The following DNAI7 variants were observed in gnomAD, a reference collection of about 807,000 sequenced individuals.
DNAI7 encodes the protein dynein axonemal intermediate chain 7.
In DNAI7, 78 loss-of-function variants were observed where a neutral mutation model predicts 86.6. That is an observed-to-expected ratio of 0.90 (90% CI 0.75 to 1.09). DNAI7 has a LOEUF of 1.09. Ranked by LOEUF, DNAI7 falls within the 50% of genes least tolerant of loss-of-function variation. DNAI7 has a pLI of 0.00. For synonymous variants in DNAI7, 274 were observed against 273.0 expected (o/e 1.00, Z -0.04); for missense variants, 753 against 810.2 (o/e 0.93, Z 0.86).
At chr12:25,107,784 G>T (rs758024054), downstream of DNAI7, 2 of 1,594,698 alleles carry the variant, frequency 1.3e-6, no homozygotes, top group Admixed American at 1.7e-5. Context: ...ACAAATTACC[G>T]ATTACCAAAT....
intron 3 of DNAI7, among the ~76,000 whole-genome samples, chr12:25,160,036 T>C (rs1946660604): frequency 6.6e-6 from 1 of 152,186 alleles, no homozygotes; most frequent in Non-Finnish European, 1.5e-5. Context: ...TAGTTTATAT[T>C]TCCCACATTT....
Position 25,160,621 on chromosome 12 carries a change from A to C in DNAI7, c.106+492T>G, listed in dbSNP as rs534229722. Among the ~76,000 whole-genome samples the C allele has an allele frequency of 2.2e-4, 34 of 152,320 alleles. 1 individual carries two copies. Among genetic ancestry groups the C allele is most frequent in the African/African-American group, 7.7e-4 (32 of 41,570 alleles). On this transcript the variant is annotated intron_variant, in intron 3 of 15. Coordinates refer to ENST00000395987, the MANE Select transcript of DNAI7 (RefSeq NM_018272.5). ...GGGGAATGACACAGTAGCAGGGGCC[A>C]CAGGCGCCAGGGATAAGAACCCCTT...
intron 13 of DNAI7, among the ~76,000 whole-genome samples, chr12:25,113,779 T>C (rs1785209062): frequency 6.6e-6 from 1 of 152,116 alleles, no homozygotes; most frequent in African/African-American, 2.4e-5. Flanking sequence ...CTGGTACAAC[T>C]ATCCCCATAA....
In DNAI7 at chr12:25,144,348, A is replaced by T. The variant is rs1226896557; in HGVS notation, c.1002+17T>A. 1.1e-5 allele frequency: 18 copies of T among 1,592,018 alleles called. No homozygotes were observed. The highest frequency in any genetic ancestry group is 1.5e-5 in the Non-Finnish European group (18 of 1,163,098). On this transcript the variant is annotated intron_variant, in intron 9 of 15. Transcript: ENST00000395987. ...GCTGCATGAATAAAAAAATGTGTATATTTAAATGTGTCCTACCATTTTCAC... is the reference window on the plus strand; with the variant it reads ...GCTGCATGAATAAAAAAATGTGTATTTTTAAATGTGTCCTACCATTTTCAC...
At chr12:25,133,006 G>A (rs1001480111) in intron 9 of DNAI7, among the ~76,000 whole-genome samples, 6 of 152,006 alleles carry the variant, frequency 3.9e-5, no homozygotes, top group East Asian at 1.9e-4. Flanking sequence ...TCTCTTTTTC[G>A]TTCATGCTTT....
intron 7 of DNAI7, among the ~76,000 whole-genome samples, chr12:25,147,734 C>A (rs1478554274): frequency 6.6e-6 from 1 of 152,170 alleles, no homozygotes; most frequent in Non-Finnish European, 1.5e-5. Flanking sequence ...TCAGTCATAA[C>A]ATCAGAATCA....
intron 1 of DNAI7, chr12:25,194,858 T>G (rs1950897572): frequency 6.2e-7 from 1 of 1,610,576 alleles, no homozygotes; most frequent in South Asian, 1.1e-5. Flanking sequence ...CCATCTCCCG[T>G]TTGCAGAAAC....
intron 1 of DNAI7, among the ~76,000 whole-genome samples, 164 bp from the exon 2 acceptor site, chr12:25,190,795 A>G (rs1950448502): frequency 6.6e-6 from 1 of 152,216 alleles, no homozygotes; most frequent in Non-Finnish European, 1.5e-5. Flanking sequence ...AAATTATCCC[A>G]AAATAAAATG....
At position 25,111,777 on chromosome 12, in the gene DNAI7, T is replaced by G. The variant is rs1030989193; in HGVS notation, c.1774A>C (p.Asn592His). ...RHSHFYVIIN[N>H]KVPLVEVKAY... ...TTGGAAAGATTCATTCTTGCCTTAT[T>G]GTTTATAATAACATAAAAATGAGAG... Residue 592 changes from asparagine (N) to histidine (H), a missense_variant, in exon 14 of 16, where the codon AAT becomes CAT. Physicochemically the swap from Asn to His is moderately conservative, Grantham distance 68 (BLOSUM62 1). Coordinates refer to ENST00000395987, the MANE Select transcript of DNAI7 (RefSeq NM_018272.5). The G allele has an allele frequency of 3.2e-6, 5 of 1,567,694 alleles. No individual in the cohort carries two copies. In the African/African-American group the frequency reaches 6.9e-5, roughly 22 times the overall value.
intron 9 of DNAI7, among the ~76,000 whole-genome samples, chr12:25,136,519 G>T (rs1230757023): frequency 1.3e-5 from 2 of 152,058 alleles, no homozygotes; most frequent in African/African-American, 4.8e-5. Context: ...ACCCCCAAAA[G>T]ATCACACTAG....
chr12:25,179,107 T>C (rs1402748470), intron 2 of DNAI7, among the ~76,000 whole-genome samples: 5 of 152,134 alleles, frequency 3.3e-5, no homozygotes, highest in East Asian at 1.9e-4. Context: ...AAGTTTAAAA[T>C]ATTTTCTAAT....
intron 9 of DNAI7, among the ~76,000 whole-genome samples, chr12:25,142,333 T>A (rs1278768168): frequency 1.3e-5 from 2 of 148,874 alleles, no homozygotes; most frequent in African/African-American, 4.9e-5. Context: ...CAATGGACTT[T>A]GGGGACTCAA....
intron 7 of DNAI7, 52 bp from the exon 8 acceptor site, chr12:25,147,156 A>G (rs1305603263): frequency 1.1e-6 from 1 of 882,874 alleles, no homozygotes; most frequent in Non-Finnish European, 1.9e-6. Flanking sequence ...CATAAATTAT[A>G]CAAATTAGAT....
At chr12:25,155,710 G>A (rs2140973332) in intron 4 of DNAI7, among the ~76,000 whole-genome samples, 1 of 152,314 alleles carries the variant, frequency 6.6e-6, no homozygotes, top group South Asian at 2.1e-4. Flanking sequence ...CACTGATTGT[G>A]CAAGATGGTG....
chr12:25,109,426 G>C (rs558950115), intron 15 of DNAI7, among the ~76,000 whole-genome samples: 1 of 152,140 alleles, frequency 6.6e-6, no homozygotes, highest in Non-Finnish European at 1.5e-5. Flanking sequence ...TCACTCTGCT[G>C]TTCAGGCTCG....
chr12:25,159,050 T>C (rs897134890), intron 3 of DNAI7, among the ~76,000 whole-genome samples: 3 of 152,144 alleles, frequency 2.0e-5, no homozygotes, highest in African/African-American at 7.2e-5. Context: ...GATCTAGAAC[T>C]AGAAATACCA....
In DNAI7 at chr12:25,150,279, C is replaced by T. The variant is rs539862285; in HGVS notation, c.439-505G>A. 3.3e-5 allele frequency among the ~76,000 whole-genome samples: 5 copies of T among 152,250 alleles called. No individual in the cohort carries two copies. In the South Asian group the frequency reaches 1.0e-3, roughly 32 times the overall value. On this transcript the variant is annotated intron_variant, in intron 6 of 15. Transcript: ENST00000395987. ...CAATGTGGAGATTTGATGGCAAACA[C>T]CTTAACCATGTGATCAAATTCGCAT...
In DNAI7 at chr12:25,108,682, GAA is replaced by G. The variant is rs1202151147; in HGVS notation, c.2033_2034del (p.Phe678SerfsTer14). On this transcript the variant is annotated frameshift_variant, in exon 16 of 16. Coordinates refer to ENST00000395987, the MANE Select transcript of DNAI7 (RefSeq NM_018272.5). LOFTEE classifies it low-confidence loss of function (END_TRUNC). ...TTCACCATGTGATATAAAGTAGAAT[GAA>G]ACTCAGTTTCTTCTTTAAGTGCTTC... is the stretch of plus-strand genomic sequence containing the variant. ...FSEALKEETE[F>X]HSTLYHMVKD... is the part of the protein sequence containing the mutation. 2 of 1,613,730 alleles carry G rather than the reference GAA, an allele frequency of 1.2e-6. No homozygotes were observed. Among genetic ancestry groups the G allele is most frequent in the Non-Finnish European group, 1.7e-6 (2 of 1,179,922 alleles).
intron 4 of DNAI7, among the ~76,000 whole-genome samples, chr12:25,156,567 C>G (rs1032077200): frequency 3.3e-5 from 5 of 151,866 alleles, no homozygotes; most frequent in African/African-American, 1.2e-4. Flanking sequence ...TCAGCCTGGC[C>G]CCATCTCTAT....
Sources: gnomAD v4.1 joint callset for allele counts (sites outside exome capture counted in the v4.1 genomes callset) on GRCh38, gnomAD v4.1.1 for gene constraint, MANE v1.5 for transcripts, NCBI Gene and HGNC (gene_info 2026-07-23, HGNC 2026-07-21) for gene names.